Variants in WAC observed in about 807,000 individuals in gnomAD.
WAC encodes WW domain containing adaptor with coiled-coil, also known as WW domain-containing adapter protein with coiled-coil.
In WAC, 11 loss-of-function variants were observed where a neutral mutation model predicts 79.6. That is an observed-to-expected ratio of 0.14 (90% CI 0.09 to 0.23). The LOEUF (loss-of-function observed/expected upper bound fraction) is 0.23. Ranked by LOEUF, WAC falls within the 10% of genes least tolerant of loss-of-function variation. The pLI, the probability that WAC is intolerant of heterozygous loss-of-function variation, is 1.00. For synonymous variants in WAC, 304 were observed against 276.9 expected, an observed-to-expected ratio of 1.10 and a Z score of -0.97; for missense variants, 728 against 773.5, an observed-to-expected ratio of 0.94 and a Z score of 0.70.
intron 4 of WAC, among the ~76,000 whole-genome samples, chr10:28,588,236 G>A (rs191713295): frequency 1.3e-5 from 2 of 152,226 alleles, no homozygotes; most frequent in East Asian, 3.9e-4. Context: ...TCCTGAATTT[G>A]GCCCTTTGTG....
chr10:28,558,978 A>G (rs909525890), intron 3 of WAC, among the ~76,000 whole-genome samples: 1 of 152,196 alleles, frequency 6.6e-6, no homozygotes, highest in African/African-American at 2.4e-5. Context: ...TTGTTAATAT[A>G]ACAAATAGAA....
intron 3 of WAC, among the ~76,000 whole-genome samples, chr10:28,544,091 C>T (rs768741608): frequency 6.6e-6 from 1 of 152,190 alleles, no homozygotes; most frequent in Non-Finnish European, 1.5e-5. Context: ...TCATGTTGGC[C>T]AGGCTGGTCT....
intron 3 of WAC, among the ~76,000 whole-genome samples, chr10:28,566,322 A>T (rs1364228135): frequency 6.6e-6 from 1 of 152,228 alleles, no homozygotes; most frequent in African/African-American, 2.4e-5. Context: ...TTTATAAAAA[A>T]ATAGAAAAAG....
chr10:28,541,182 G>A (rs1377899474), intron 3 of WAC, among the ~76,000 whole-genome samples: 1 of 151,776 alleles, frequency 6.6e-6, no homozygotes, highest in Non-Finnish European at 1.5e-5. Context: ...TTGGGGTTTT[G>A]GTCTGTAATT....
chr10:28,543,169 T>C (rs1270021414), intron 3 of WAC, among the ~76,000 whole-genome samples: 1 of 152,204 alleles, frequency 6.6e-6, no homozygotes, highest in Admixed American at 6.5e-5. Context: ...ATCTGCCTTT[T>C]AACAAGATCT....
At chr10:28,610,459 A>G (rs1019350956) in intron 8 of WAC, among the ~76,000 whole-genome samples, 1 of 152,002 alleles carries the variant, frequency 6.6e-6, no homozygotes, top group Non-Finnish European at 1.5e-5. Context: ...CATCTTAATT[A>G]GTGTAAAAGA....
intron 3 of WAC, among the ~76,000 whole-genome samples, chr10:28,545,631 T>C (rs1379558517): frequency 6.6e-6 from 1 of 152,234 alleles, no homozygotes; most frequent in East Asian, 1.9e-4. Context: ...AGTCTGATTA[T>C]TAGAGTGGTT....
At chr10:28,558,478 CTGAG>C (rs1838120095) in intron 3 of WAC, among the ~76,000 whole-genome samples, 1 of 152,040 alleles carries the variant, frequency 6.6e-6, no homozygotes, top group Admixed American at 6.5e-5. Flanking sequence ...CTGTGATTGG[CTGAG>C]TGTGTTTCAT....
chr10:28,560,220 G>C (rs1296449797), intron 3 of WAC, among the ~76,000 whole-genome samples: 1 of 152,090 alleles, frequency 6.6e-6, no homozygotes, highest in Non-Finnish European at 1.5e-5. Context: ...CAGGCATGGT[G>C]GTAGGCACCT....
At chr10:28,594,202 C>G (rs562328598) in intron 6 of WAC, among the ~76,000 whole-genome samples, 9 of 152,210 alleles carry the variant, frequency 5.9e-5, no homozygotes, top group African/African-American at 1.9e-4. Flanking sequence ...TTAGAAGTAT[C>G]ATCCTTAATT....
intron 5 of WAC, 89 bp from the exon 6 acceptor site, chr10:28,590,631 T>G: frequency 9.5e-7 from 1 of 1,047,306 alleles, no homozygotes; most frequent in Non-Finnish European, 1.4e-6. Flanking sequence ...CTGTATACCA[T>G]TTGTTAGGCA....
chr10:28,570,196 A>G (rs1838869617), intron 3 of WAC, among the ~76,000 whole-genome samples: 1 of 152,234 alleles, frequency 6.6e-6, no homozygotes, highest in Admixed American at 6.5e-5. Context: ...TGGGAAAAGT[A>G]CTATTCCAAT....
intron 3 of WAC, among the ~76,000 whole-genome samples, chr10:28,538,867 A>C (rs201229401): frequency 9.1e-5 from 2 of 22,024 alleles, no homozygotes; most frequent in Non-Finnish European, 1.5e-4. Context: ...CCGTCTGTTT[A>C]AAAAAAAAAA....
At chr10:28,579,092 C>G (rs1199751389) in intron 3 of WAC, among the ~76,000 whole-genome samples, 1 of 151,916 alleles carries the variant, frequency 6.6e-6, no homozygotes, top group East Asian at 1.9e-4. Context: ...ACTTTAATTT[C>G]TTGAGGTTGG....
rs1450901039 is a variant in WAC, at chr10:28,533,165, C to CGGA, written c.-413_-412insAGG. On this transcript the variant is annotated 5_prime_UTR_variant, in exon 1 of 14. Coordinates refer to ENST00000354911, the MANE Select transcript of WAC (RefSeq NM_016628.5). Reference sequence around the variant, plus strand: ...GGAGCGGCAGCGGCGGCACCAGCGGCGGCGGCGGCGGCGGGAGGAGGAGGA... The same window carrying CGGA: ...GGAGCGGCAGCGGCGGCACCAGCGGCGGAGGCGGCGGCGGCGGGAGGAGGAGGA... 6.0e-6 allele frequency: 1 copy of CGGA among 167,724 alleles called. No homozygotes were observed. Among genetic ancestry groups the CGGA allele is most frequent in the Non-Finnish European group, 1.3e-5 (1 of 78,578 alleles). The allele number at this position is 167,724 out of a possible 1,614,324, so 10.4% of individuals were successfully genotyped here.
chr10:28,600,544 A>G (rs572633343), intron 7 of WAC, among the ~76,000 whole-genome samples: 2 of 152,300 alleles, frequency 1.3e-5, no homozygotes, highest in East Asian at 1.9e-4. Flanking sequence ...TTATTGAATA[A>G]TCGAATAACT....
chr10:28,551,984 G>A (rs933929242), intron 3 of WAC, among the ~76,000 whole-genome samples: 2 of 152,030 alleles, frequency 1.3e-5, no homozygotes, highest in East Asian at 1.9e-4. Context: ...GCGCCACGAC[G>A]CCCAACTAAT....
At chr10:28,592,155 A>G (rs1186273649) in intron 6 of WAC, among the ~76,000 whole-genome samples, 4 of 152,226 alleles carry the variant, frequency 2.6e-5, no homozygotes, top group East Asian at 1.9e-4. Flanking sequence ...ATTAAAGAAC[A>G]TTGAATTTTG....
chr10:28,569,956 C>G (rs1430513220), intron 3 of WAC, among the ~76,000 whole-genome samples: 2 of 152,178 alleles, frequency 1.3e-5, no homozygotes, highest in South Asian at 2.1e-4. Context: ...ATCAATGGCT[C>G]TATCCAAAAA....
Sources: allele counts gnomAD v4.1 joint callset (sites outside exome capture counted in the v4.1 genomes callset), GRCh38; gene constraint gnomAD v4.1.1; transcripts MANE v1.5; gene names NCBI Gene and HGNC (gene_info 2026-07-23, HGNC 2026-07-21).